The following ANG variants were observed in gnomAD, a reference collection of about 807,000 sequenced individuals.
The protein encoded by ANG is angiogenin.
For missense variants in ANG, 178 were observed against 187.4 expected (o/e 0.95, Z 0.29); for synonymous variants, 74 against 73.8 (o/e 1.00, Z -0.02).
At chr14:20,686,801 T>C (rs1886446180), upstream of ANG, among the ~76,000 whole-genome samples, 1 of 152,246 alleles carries the variant, frequency 6.6e-6, no homozygotes, top group African/African-American at 2.4e-5. Context: ...AGACCTAAAG[T>C]GTTAGAATAA....
chr14:20,689,098 T>C (rs1383703788), intron 1 of ANG, among the ~76,000 whole-genome samples: 1 of 152,100 alleles, frequency 6.6e-6, no homozygotes, highest in African/African-American at 2.4e-5. Flanking sequence ...TTAGGAGGGA[T>C]TTCTAAATTG....
intron 1 of ANG, among the ~76,000 whole-genome samples, chr14:20,693,064 G>C (rs967577652): frequency 1.3e-5 from 2 of 151,678 alleles, no homozygotes; most frequent in Admixed American, 6.6e-5. Flanking sequence ...AGCCAGGATG[G>C]TCTCGATCTC....
At chr14:20,693,050 T>C (rs1341604978) in intron 1 of ANG, among the ~76,000 whole-genome samples, 3 of 151,580 alleles carry the variant, frequency 2.0e-5, no homozygotes, top group South Asian at 2.1e-4. Flanking sequence ...GGTTTCACCG[T>C]GGTAGCCAGG....
intron 1 of ANG, among the ~76,000 whole-genome samples, chr14:20,689,191 C>T (rs1210951624): frequency 1.3e-5 from 2 of 152,216 alleles, no homozygotes; most frequent in East Asian, 3.8e-4. Context: ...CTGTTACAGG[C>T]ATTACACGTG....
chr14:20,687,485 C>T (rs898897635), upstream of ANG, among the ~76,000 whole-genome samples: 7 of 152,182 alleles, frequency 4.6e-5, no homozygotes, highest in Admixed American at 2.6e-4. Context: ...TGTGTGTGTG[C>T]AGGCGCATAT....
rs546792502 is a variant in ANG at position 20,692,886 on chromosome 14, C to G, written c.-18-661C>G. Among the ~76,000 whole-genome samples, 1,219 of 152,152 alleles carry G rather than the reference C, an allele frequency of 8.0e-3. 18 individuals are homozygous for G. Among genetic ancestry groups the G allele is most frequent in the African/African-American group, 0.027 (1,139 of 41,464 alleles). ...TTTCCGAGACGGAGTCTCGCTCTGT[C>G]GCCAAGGCTGGAGTGCAGTGGCGCG... On this transcript the variant is annotated intron_variant, in intron 1 of 1. Coordinates refer to ENST00000397990, the MANE Select transcript of ANG (RefSeq NM_001097577.3).
At chr14:20,691,534 C>G (rs1933404905) in intron 1 of ANG, among the ~76,000 whole-genome samples, 1 of 152,174 alleles carries the variant, frequency 6.6e-6, no homozygotes, top group Admixed American at 6.5e-5. Context: ...ACTTGTTACT[C>G]CTTTAGGGCT....
upstream of ANG, among the ~76,000 whole-genome samples, chr14:20,687,043 G>A (rs1886458785): frequency 6.6e-6 from 1 of 152,174 alleles, no homozygotes; most frequent in South Asian, 2.1e-4. Context: ...AGTTAAAGCT[G>A]TCTGAACATT....
At position 20,694,082 on chromosome 14, in the gene ANG, T is replaced by C; in HGVS notation, c.*74T>C. 1 of 1,556,474 alleles carries C rather than the reference T, an allele frequency of 6.4e-7. No homozygotes were observed. On this transcript the variant is annotated 3_prime_UTR_variant, in exon 2 of 2. Coordinates refer to ENST00000397990, the MANE Select transcript of ANG (RefSeq NM_001097577.3). ...TTCCCCTCTGCACCCAGAACAGTGG[T>C]GGCAACATTCATTGCCAAGGGCCCA...
chr14:20,692,738 CTCT>C (rs1886834629), intron 1 of ANG, among the ~76,000 whole-genome samples: 1 of 152,228 alleles, frequency 6.6e-6, no homozygotes, highest in Non-Finnish European at 1.5e-5. Context: ...CCCTAAAACT[CTCT>C]TCTTAGCTCT....
rs1032422334 is a variant in ANG at position 20,693,676 on chromosome 14, T to C, written c.112T>C (p.Tyr38His). 1 of 1,613,996 alleles carries C rather than the reference T, an allele frequency of 6.2e-7. No homozygotes were observed. The highest frequency in any genetic ancestry group is 8.5e-7 in the Non-Finnish European group (1 of 1,180,042). ...SRYTHFLTQH[Y>H]DAKPQGRDDR... ...GTACACACACTTCCTGACCCAGCAC[T>C]ATGATGCCAAACCACAGGGCCGGGA... Residue 38 changes from tyrosine (Y) to histidine (H), a missense_variant, in exon 2 of 2, where the codon TAT becomes CAT. Tyr to His is a moderately conservative substitution (Grantham distance 83). Transcript: ENST00000397990.
upstream of ANG, among the ~76,000 whole-genome samples, chr14:20,687,646 C>T (rs974474692): frequency 6.6e-6 from 1 of 152,182 alleles, no homozygotes; most frequent in Non-Finnish European, 1.5e-5. Flanking sequence ...CTTGGAGTTT[C>T]CTCATGAGCA....
At chr14:20,685,040 A>C (rs2138995053), upstream of ANG, among the ~76,000 whole-genome samples, 1 of 152,250 alleles carries the variant, frequency 6.6e-6, no homozygotes, top group South Asian at 2.1e-4. Context: ...GCCGAACCTA[A>C]GGGAAGCCCT....
chr14:20,687,164 A>T (rs1309427484), upstream of ANG, among the ~76,000 whole-genome samples: 1 of 152,282 alleles, frequency 6.6e-6, no homozygotes, highest in African/African-American at 2.4e-5. Context: ...GTTGTATTTT[A>T]AACACAAATG....
upstream of ANG, chr14:20,688,626 G>T: frequency 6.7e-6 from 6 of 889,504 alleles, no homozygotes; most frequent in Non-Finnish European, 6.7e-6. Flanking sequence ...CCATTCAGGT[G>T]GGTTAATATC....
intron 1 of ANG, among the ~76,000 whole-genome samples, chr14:20,689,634 G>A (rs931308527): frequency 1.3e-5 from 2 of 152,144 alleles, no homozygotes; most frequent in African/African-American, 4.8e-5. Context: ...AGAACAGTTG[G>A]GGCCAGGTGT....
Position 20,694,009 on chromosome 14 carries a change from C to T in ANG, c.*1C>T, listed in dbSNP as rs1380206697. On this transcript the variant is annotated 3_prime_UTR_variant, in exon 2 of 2. Coordinates refer to ENST00000397990, the MANE Select transcript of ANG (RefSeq NM_001097577.3). ...TCAGTCAATTTTCCGTCGTCCGTAA[C>T]CAGCGGGCCCCTGGTCAAGTGCTGG... is the stretch of plus-strand genomic sequence containing the variant. 3.1e-6 allele frequency: 5 copies of T among 1,614,014 alleles called. No homozygotes were observed. The highest frequency in any genetic ancestry group is 4.2e-6 in the Non-Finnish European group (5 of 1,180,040).
At chr14:20,688,743 A>T, upstream of ANG, 1 of 984,856 alleles carries the variant, frequency 1.0e-6, no homozygotes, top group Non-Finnish European at 1.2e-6. Context: ...ATATATTAGG[A>T]ACACTATATA....
rs1015846505 is a variant in ANG, at chr14:20,691,095, A to G, written c.-19+2221A>G. 3.3e-5 allele frequency among the ~76,000 whole-genome samples: 5 copies of G among 152,354 alleles called. No homozygotes were observed. The East Asian group carries it at 7.7e-4, about 23-fold the overall frequency. On this transcript the variant is annotated intron_variant, in intron 1 of 1. Coordinates refer to ENST00000397990, the MANE Select transcript of ANG (RefSeq NM_001097577.3). ...GACAGAGATTCTAAACAGGTTCACC[A>G]GCTCATACTCCCTTCTGTGAACAGC...
Sources: allele counts gnomAD v4.1 joint callset (sites outside exome capture counted in the v4.1 genomes callset), GRCh38; gene constraint gnomAD v4.1.1; transcripts MANE v1.5; gene names NCBI Gene and HGNC (gene_info 2026-07-23, HGNC 2026-07-21).